The following KAT6B variants were observed in gnomAD, a reference collection of about 807,000 sequenced individuals.
KAT6B encodes the protein lysine acetyltransferase 6B.
A neutral mutation model predicts 187.5 loss-of-function variants in KAT6B; 10 were observed. The observed-to-expected ratio is 0.05, with a 90% CI of 0.03 to 0.09. The LOEUF (loss-of-function observed/expected upper bound fraction) is 0.09, where lower values mean the gene tolerates loss of function less well. Ranked by LOEUF, KAT6B falls within the 10% of genes least tolerant of loss-of-function variation. KAT6B has a pLI of 1.00. For missense variants in KAT6B, 1,952 were observed against 2,558.9 expected (o/e 0.76, Z 5.12); for synonymous variants, 861 against 926.8 (o/e 0.93, Z 1.29).
rs143804810 is a variant in KAT6B, at chr10:75,030,336, G to A, written c.5512G>A (p.Ala1838Thr). Residue 1838 changes from alanine to threonine, a missense_variant, in exon 18 of 18, where the codon GCT (alanine) becomes ACT (threonine). By Grantham distance (58) the Ala-to-Thr change is moderately conservative. Around this residue, in one of 9 missense-constraint regions of KAT6B, gnomAD observed 358 missense variants for 436.3 expected, o/e 0.82. Transcript: ENST00000287239. The surrounding 1 kb of genome is among the most constrained non-coding windows in gnomAD (Gnocchi z 4.8). ...TCATTCATTGCCTTACAGCCATTCCGCTGCTGTGACTTCCTATGCAAACAG... is the reference window on the plus strand; with the variant it reads ...TCATTCATTGCCTTACAGCCATTCCACTGCTGTGACTTCCTATGCAAACAG... ...IDHSLPYSHSAAVTSYANSAS... is the reference protein window; with the variant it reads ...IDHSLPYSHSTAVTSYANSAS... 1.1e-5 allele frequency: 17 copies of A among 1,614,166 alleles called. No individual in the cohort carries two copies. Among genetic ancestry groups the A allele is most frequent in the African/African-American group, 2.7e-5 (2 of 75,018 alleles).
At chr10:75,018,829 T>A (rs1233493422) in intron 13 of KAT6B, among the ~76,000 whole-genome samples, 2 of 152,014 alleles carry the variant, frequency 1.3e-5, no homozygotes, top group Non-Finnish European at 2.9e-5. Context: ...AATTGTGGGA[T>A]CTCATGGACA....
intron 9 of KAT6B, 54 bp downstream of exon 9, chr10:74,977,491 A>G (rs912465642): frequency 3.1e-6 from 5 of 1,593,338 alleles, no homozygotes; most frequent in South Asian, 1.1e-5. Flanking sequence ...GCTTCTAACT[A>G]TTAATATGGA....
intron 13 of KAT6B, among the ~76,000 whole-genome samples, chr10:75,019,410 A>C (rs376920027): frequency 6.6e-6 from 1 of 152,230 alleles, no homozygotes; most frequent in Non-Finnish European, 1.5e-5. Flanking sequence ...TTTGAGATGC[A>C]GGAAAATGCA....
chr10:75,001,970 G>T (rs1440434005), intron 13 of KAT6B, among the ~76,000 whole-genome samples: 1 of 152,128 alleles, frequency 6.6e-6, no homozygotes, highest in Non-Finnish European at 1.5e-5. Flanking sequence ...CAGCCTCAAG[G>T]CCCTGGTGAG....
At position 74,843,426 on chromosome 10, in the gene KAT6B, C is replaced by T. The variant is rs374318351; in HGVS notation, c.569C>T (p.Ala190Val). 3 of 1,613,934 alleles carry T rather than the reference C, an allele frequency of 1.9e-6. No homozygotes were observed. The highest frequency in any genetic ancestry group is 1.3e-5 in the African/African-American group (1 of 74,928). The change falls in exon 3 of 18, where the codon GCA becomes GTA. Residue 190 changes from alanine (A) to valine (V), a missense_variant. Coordinates refer to ENST00000287239, the MANE Select transcript of KAT6B (RefSeq NM_012330.4). Reference sequence around the variant, plus strand: ...AAAGGGGCACCTCAGTATCCCAGTGCATTCCCATCCTCGCTCCCACCTGTC... The same window carrying T: ...AAAGGGGCACCTCAGTATCCCAGTGTATTCCCATCCTCGCTCCCACCTGTC... ...DGKGAPQYPS[A>V]FPSSLPPVSL...
At chr10:74,849,568 A>G (rs1842337119) in intron 3 of KAT6B, among the ~76,000 whole-genome samples, 1 of 152,180 alleles carries the variant, frequency 6.6e-6, no homozygotes. Context: ...GCTAGGTAGG[A>G]TTACAGGCTT....
In KAT6B at chr10:74,843,225, G is replaced by T; in HGVS notation, c.368G>T (p.Gly123Val). 2 of 1,614,228 alleles carry T rather than the reference G, an allele frequency of 1.2e-6. No individual in the cohort carries two copies. Among genetic ancestry groups the T allele is most frequent in the South Asian group, 2.2e-5 (2 of 91,082 alleles). ...RAIEGLEEPN[G>V]SSLKNIEKYL... ...ATTGAAGGACTTGAGGAGCCGAATG[G>T]CTCCTCCCTGAAGAACATAGAGAAG... Residue 123 changes from glycine to valine, a missense_variant, in exon 3 of 18, where the codon GGC becomes GTC. Gly to Val is a moderately radical substitution (Grantham distance 109, BLOSUM62 -3). Around this residue, in one of 9 missense-constraint regions of KAT6B, gnomAD observed 218 missense variants for 282.6 expected, o/e 0.77. Coordinates refer to ENST00000287239, the MANE Select transcript of KAT6B (RefSeq NM_012330.4).
chr10:75,021,865 T>C lies in KAT6B; in HGVS notation c.3022-16T>C. 1 of 1,614,082 alleles carries C rather than the reference T, an allele frequency of 6.2e-7. No homozygotes were observed. Among genetic ancestry groups the C allele is most frequent in the South Asian group, 1.1e-5 (1 of 91,040 alleles). On this transcript the variant is annotated splice_polypyrimidine_tract_variant and intron_variant, in intron 15 of 17. Coordinates refer to ENST00000287239, the MANE Select transcript of KAT6B (RefSeq NM_012330.4). ...CTGCCCTCTCACTGGCCACCATTTT[T>C]ACCCTCCCCACTTAGGCTGAGCGGC...
At chr10:74,921,952 T>C (rs1372241903) in intron 3 of KAT6B, among the ~76,000 whole-genome samples, 1 of 152,188 alleles carries the variant, frequency 6.6e-6, no homozygotes, top group Non-Finnish European at 1.5e-5. Context: ...GCCAGCTGTC[T>C]TGCACATGTA....
At chr10:74,918,916 C>T (rs1847909066) in intron 3 of KAT6B, among the ~76,000 whole-genome samples, 1 of 152,008 alleles carries the variant, frequency 6.6e-6, no homozygotes, top group Non-Finnish European at 1.5e-5. Flanking sequence ...CCCTGGCTGT[C>T]TTTAAAAATA....
intron 3 of KAT6B, among the ~76,000 whole-genome samples, chr10:74,924,749 C>T (rs1023053927): frequency 6.6e-6 from 1 of 152,164 alleles, no homozygotes; most frequent in African/African-American, 2.4e-5. Context: ...ATTGGACATT[C>T]CTTCTTTTGC....
intron 3 of KAT6B, among the ~76,000 whole-genome samples, chr10:74,911,901 A>C (rs1252287027): frequency 6.6e-6 from 1 of 151,992 alleles, no homozygotes; most frequent in African/African-American, 2.4e-5. Flanking sequence ...ATGATCCTGG[A>C]CTCAAACAAT....
chr10:74,990,626 T>C (rs1338989630), intron 13 of KAT6B, among the ~76,000 whole-genome samples: 1 of 152,176 alleles, frequency 6.6e-6, no homozygotes, highest in Non-Finnish European at 1.5e-5. Context: ...AAACCAGTAA[T>C]CCCAAGGAGG....
intron 13 of KAT6B, among the ~76,000 whole-genome samples, chr10:74,990,390 TA>T (rs1843062894): frequency 6.6e-6 from 1 of 151,906 alleles, no homozygotes; most frequent in Admixed American, 6.6e-5. Context: ...TGAAGAAATA[TA>T]GTGAATCTAA....
At chr10:74,986,703 A>G (rs1842829572) in intron 12 of KAT6B, among the ~76,000 whole-genome samples, 1 of 152,260 alleles carries the variant, frequency 6.6e-6, no homozygotes, top group South Asian at 2.1e-4. Flanking sequence ...AACAATAAAT[A>G]GGAAATCTAT....
intron 3 of KAT6B, among the ~76,000 whole-genome samples, chr10:74,895,569 T>C (rs1845931176): frequency 6.6e-6 from 1 of 152,120 alleles, no homozygotes; most frequent in African/African-American, 2.4e-5. Context: ...AGGCAGAGTC[T>C]TTCTGGCCCA....
intron 13 of KAT6B, among the ~76,000 whole-genome samples, chr10:75,012,273 C>G (rs969203747): frequency 6.6e-6 from 1 of 152,014 alleles, no homozygotes. Flanking sequence ...CATGGTGAAA[C>G]CCCATCTCTA....
intron 13 of KAT6B, among the ~76,000 whole-genome samples, chr10:75,003,619 A>G (rs1167080287): frequency 6.6e-6 from 1 of 152,180 alleles, no homozygotes; most frequent in Non-Finnish European, 1.5e-5. Flanking sequence ...ATAGGATTCT[A>G]GTCTGTAATA....
rs143859007 is a variant in KAT6B at position 74,933,863 on chromosome 10, A to G, written c.622-26107A>G. On this transcript the variant is annotated intron_variant, in intron 3 of 17. Coordinates refer to ENST00000287239, the MANE Select transcript of KAT6B (RefSeq NM_012330.4). The stretch of plus-strand genomic sequence containing the variant: ...AATAAAAATTTCAAGGGATTGAGAC[A>G]TACATCCTCACAGAGTAAGAGTTTA... Among the ~76,000 whole-genome samples the G allele has an allele frequency of 2.6e-3, 391 of 152,304 alleles. 1 individual carries two copies. The highest frequency in any genetic ancestry group is 3.2e-3 in the Non-Finnish European group (216 of 68,030).
Sources: allele counts gnomAD v4.1 joint callset (sites outside exome capture counted in the v4.1 genomes callset), GRCh38; gene constraint gnomAD v4.1.1; regional missense constraint gnomAD v4.1.1; non-coding constraint Gnocchi (gnomAD v3.1); transcripts MANE v1.5; gene names NCBI Gene and HGNC (gene_info 2026-07-23, HGNC 2026-07-21).